The following SEC14L5 variants were observed in gnomAD, a reference collection of about 807,000 sequenced individuals.
SEC14L5 encodes the protein SEC14-like protein 5.
A neutral mutation model predicts 84.6 loss-of-function variants in SEC14L5; 96 were observed. The ratio of observed to expected loss-of-function variants is 1.13; its 90% CI spans 0.96 to 1.34. SEC14L5 has a LOEUF of 1.34. Ranked by LOEUF, SEC14L5 falls within the 40% of genes most tolerant of loss-of-function variation. SEC14L5 has a pLI of 0.00. For missense variants in SEC14L5, 1,224 were observed against 942.5 expected, an observed-to-expected ratio of 1.30 and a Z score of -3.91; for synonymous variants, 546 against 383.4, an observed-to-expected ratio of 1.42 and a Z score of -4.95.
At chr16:4,970,438 C>T (rs748768811) in intron 2 of SEC14L5, among the ~76,000 whole-genome samples, 3 of 152,190 alleles carry the variant, frequency 2.0e-5, no homozygotes, top group Non-Finnish European at 2.9e-5. Context: ...TGGCTGGCAG[C>T]GTCATCAGGG....
At chr16:4,991,162 CTTT>C (rs35980290) in intron 5 of SEC14L5, among the ~76,000 whole-genome samples, 1,216 of 85,450 alleles carry the variant, frequency 0.014, 13 homozygotes, top group African/African-American at 0.043. Context: ...TTCTGTGGTG[CTTT>C]TTTTTTTTTT....
Position 4,985,799 on chromosome 16 carries a change from AATTAT to A in SEC14L5, c.64-1750_64-1746del, listed in dbSNP as rs368988706. 5.8e-4 allele frequency among the ~76,000 whole-genome samples: 87 copies of A among 150,602 alleles called. 1 individual carries two copies. The East Asian group carries it at 8.5e-3, about 15-fold the overall frequency. Reference sequence around the variant, plus strand: ...ATATACATACTATCTATATTTATAAAATTATATTATATAGAAACACCCTATATTTA... The same window carrying A: ...ATATACATACTATCTATATTTATAAAATTATATAGAAACACCCTATATTTA... On this transcript the variant is annotated intron_variant, in intron 2 of 15. Transcript: ENST00000251170.
At chr16:4,961,057 G>C (rs1414437853) in intron 2 of SEC14L5, among the ~76,000 whole-genome samples, 1 of 152,114 alleles carries the variant, frequency 6.6e-6, no homozygotes, top group Non-Finnish European at 1.5e-5. Flanking sequence ...GGATCACAAG[G>C]TCAGGAGATC....
intron 2 of SEC14L5, among the ~76,000 whole-genome samples, chr16:4,976,139 C>T (rs1279338044): frequency 6.6e-6 from 1 of 152,142 alleles, no homozygotes; most frequent in East Asian, 1.9e-4. Flanking sequence ...GAACCATGTG[C>T]CAGGCACTGC....
intron 2 of SEC14L5, among the ~76,000 whole-genome samples, chr16:4,961,223 A>C (rs967911412): frequency 5.9e-5 from 9 of 152,122 alleles, no homozygotes; most frequent in Non-Finnish European, 1.3e-4. Context: ...CAGAGAGCCG[A>C]GATTGCGCCG....
Position 5,014,859 on chromosome 16 carries a change from G to GGGCT in SEC14L5, c.1981_1984dup (p.Ser662TrpfsTer30), listed in dbSNP as rs779304688. On this transcript the variant is annotated frameshift_variant and splice_region_variant, in exon 16 of 16. Transcript: ENST00000251170. LOFTEE classifies it high-confidence loss of function. The stretch of plus-strand genomic sequence containing the variant: ...CGTGTGCCACGCCCTTCCTCCCCAG[G>GGGCT]GGCTCCATGTCCAGCCTGGAATCCT... 575 of 1,613,192 alleles carry GGGCT rather than the reference G, an allele frequency of 3.6e-4. 1 individual carries two copies. Among genetic ancestry groups the GGGCT allele is most frequent in the South Asian group, 1.1e-3 (104 of 91,060 alleles).
At position 4,973,680 on chromosome 16, in the gene SEC14L5, C is replaced by CTTTT. The variant is rs34324146; in HGVS notation, c.64-13860_64-13857dup. On this transcript the variant is annotated intron_variant, in intron 2 of 15. Transcript: ENST00000251170. ...TATGTGATTTCTTTTTTCTCTGTCT[C>CTTTT]TTTTTTTTTTTTTTTTTTTTGAGAC... Among the ~76,000 whole-genome samples the CTTTT allele has an allele frequency of 4.7e-5, 6 of 127,106 alleles. 1 individual carries two copies. Among genetic ancestry groups the CTTTT allele is most frequent in the Non-Finnish European group, 3.3e-5 (2 of 60,616 alleles). The allele number at this position is 127,106 out of a possible 152,430, so 83.4% of individuals were successfully genotyped here. A position where few individuals can be genotyped will look rare whatever the true frequency, so the allele number is the denominator to read the frequency against.
At chr16:4,964,905 A>G (rs1336397684) in intron 2 of SEC14L5, among the ~76,000 whole-genome samples, 1 of 151,762 alleles carries the variant, frequency 6.6e-6, no homozygotes, top group African/African-American at 2.4e-5. Context: ...TAATGTTTGT[A>G]TTTTTAGTAG....
chr16:4,996,316 T>A, intron 6 of SEC14L5, 32 bp from the exon 7 acceptor site: 1 of 1,293,812 alleles, frequency 7.7e-7, no homozygotes, highest in Non-Finnish European at 1.1e-6. Context: ...AGCGTCTCCC[T>A]CTTGTCCTGA....
In SEC14L5 at chr16:5,014,821, T is replaced by C. The variant is rs368735431; in HGVS notation, c.1980-38T>C. 1,076 of 1,519,112 alleles carry C rather than the reference T, an allele frequency of 7.1e-4. 12 individuals carry two copies. The Middle Eastern group carries it at 0.018, about 25-fold the overall frequency. 94.1% of individuals were successfully genotyped at this position (1,519,112 alleles called of 1,614,324 possible). ...TGTGTCAGCCCAAGGGCCTTGTCACTGTGAGAGGGTAACGTGTGCCACGCC... is the reference window on the plus strand; with the variant it reads ...TGTGTCAGCCCAAGGGCCTTGTCACCGTGAGAGGGTAACGTGTGCCACGCC... On this transcript the variant is annotated intron_variant, in intron 15 of 15. Coordinates refer to ENST00000251170, the MANE Select transcript of SEC14L5 (RefSeq NM_014692.2).
At chr16:4,972,405 T>A (rs370111641) in intron 2 of SEC14L5, among the ~76,000 whole-genome samples, 25 of 152,338 alleles carry the variant, frequency 1.6e-4, no homozygotes, top group East Asian at 1.2e-3. Flanking sequence ...TTCACGTTAT[T>A]GTGCAACTGT....
At chr16:4,978,180 C>T (rs1329317203) in intron 2 of SEC14L5, among the ~76,000 whole-genome samples, 6 of 44,538 alleles carry the variant, frequency 1.3e-4, no homozygotes, top group Non-Finnish European at 2.0e-4. Flanking sequence ...TTTGGGAGGG[C>T]GAGACGGGCG....
chr16:4,981,995 C>T lies in SEC14L5; in HGVS notation c.64-5562C>T, dbSNP rs146451566. 1.6e-3 allele frequency among the ~76,000 whole-genome samples: 243 copies of T among 152,274 alleles called. 1 individual carries two copies. Among genetic ancestry groups the T allele is most frequent in the African/African-American group, 4.1e-3 (169 of 41,548 alleles). ...TTCTCAGGGGGTCTCCTTGCCAGCTCGCTGAGTCCAGACCCCAGGATCCCC... is the reference window on the plus strand; with the variant it reads ...TTCTCAGGGGGTCTCCTTGCCAGCTTGCTGAGTCCAGACCCCAGGATCCCC... On this transcript the variant is annotated intron_variant, in intron 2 of 15. Transcript: ENST00000251170.
Position 4,990,889 on chromosome 16 carries a change from C to G in SEC14L5, c.468C>G (p.Val156=). The change falls in exon 5 of 16, where the codon GTC becomes GTG. Residue 156 remains valine (V), a synonymous_variant. Transcript: ENST00000251170. ...KIAMKQYTAN[V]KRGKEVIEHY... Reference sequence around the variant, plus strand: ...CCATGAAGCAGTACACCGCCAACGTCAAGAGGGTAAGCGGTGGGTTGCGTT... The same window carrying G: ...CCATGAAGCAGTACACCGCCAACGTGAAGAGGGTAAGCGGTGGGTTGCGTT... 1 of 1,595,642 alleles carries G rather than the reference C, an allele frequency of 6.3e-7. No individual in the cohort carries two copies. Among genetic ancestry groups the G allele is most frequent in the Non-Finnish European group, 8.5e-7 (1 of 1,170,918 alleles).
intron 10 of SEC14L5, among the ~76,000 whole-genome samples, chr16:5,001,301 C>G (rs901665677): frequency 6.6e-6 from 1 of 151,014 alleles, no homozygotes; most frequent in East Asian, 1.9e-4. Context: ...CTCTGTCGCC[C>G]AGGCTGGAGT....
chr16:5,008,207 A>T (rs555637219), intron 13 of SEC14L5, among the ~76,000 whole-genome samples: 31 of 152,158 alleles, frequency 2.0e-4, no homozygotes, highest in African/African-American at 7.0e-4. Flanking sequence ...TGAGCCACCA[A>T]GCCTGGCCGA....
intron 2 of SEC14L5, among the ~76,000 whole-genome samples, chr16:4,972,027 C>CTT (rs775419037): frequency 6.9e-6 from 1 of 145,758 alleles, no homozygotes; most frequent in African/African-American, 2.5e-5. Flanking sequence ...GTGGCTTATT[C>CTT]TTTTTTTTTT....
chr16:4,999,770 C>G (rs1216608009), intron 8 of SEC14L5, among the ~76,000 whole-genome samples: 1 of 151,684 alleles, frequency 6.6e-6, no homozygotes, highest in African/African-American at 2.4e-5. Flanking sequence ...CAAAAATTAG[C>G]CAAGCGTGGT....
intron 2 of SEC14L5, among the ~76,000 whole-genome samples, chr16:4,974,521 AG>A (rs1198809244): frequency 2.0e-5 from 3 of 152,082 alleles, no homozygotes; most frequent in Non-Finnish European, 4.4e-5. Flanking sequence ...ATACTTAAAA[AG>A]GGTGGGCTAT....
Sources: allele counts gnomAD v4.1 joint callset (sites outside exome capture counted in the v4.1 genomes callset), GRCh38; gene constraint gnomAD v4.1.1; transcripts MANE v1.5; gene names NCBI Gene and HGNC (gene_info 2026-07-23, HGNC 2026-07-21).